GPC5: variants seen among roughly 807,000 people sequenced by gnomAD.
GPC5 encodes glypican 5.
A neutral mutation model predicts 53.9 loss-of-function variants in GPC5; 47 were observed. That is an observed-to-expected ratio of 0.87 (90% confidence interval 0.69 to 1.11). The LOEUF is 1.11. Among genes scored for constraint, GPC5 ranks in the 50% most tolerant of loss-of-function variants. The pLI is 0.00. For synonymous variants in GPC5, 286 were observed against 263.3 expected (o/e 1.09, Z -0.84); for missense variants, 748 against 713.1 (o/e 1.05, Z -0.56).
At chr13:92,417,206 A>T (rs116808188) in intron 7 of GPC5, among the ~76,000 whole-genome samples, 1,575 of 152,308 alleles carry the variant, frequency 0.01, 23 homozygotes, top group African/African-American at 0.036. Context: ...TTTCCAAAAA[A>T]TTTTTTCCAA....
chr13:92,222,269 CAA>C (rs2042455224), intron 7 of GPC5, among the ~76,000 whole-genome samples: 1 of 152,016 alleles, frequency 6.6e-6, no homozygotes, highest in Admixed American at 6.6e-5. Flanking sequence ...AGATGGGAGG[CAA>C]AAATAACACT....
In GPC5 at chr13:92,520,783, C is replaced by A. The variant is rs116828932; in HGVS notation, c.1562-345499C>A. ...ATAGTGTTGGAAGTTCTGGCCAGGC[C>A]AATCAAGCAGGACAAAGAAATAAAG... On this transcript the variant is annotated intron_variant, in intron 7 of 7. Coordinates refer to ENST00000377067, the MANE Select transcript of GPC5 (RefSeq NM_004466.6). Among the ~76,000 whole-genome samples, 928 of 151,976 alleles carry A rather than the reference C, an allele frequency of 6.1e-3. 13 individuals carry two copies. The highest frequency in any genetic ancestry group is 0.021 in the African/African-American group (867 of 41,390).
chr13:92,457,079 C>T (rs1878296942), intron 7 of GPC5, among the ~76,000 whole-genome samples: 1 of 152,058 alleles, frequency 6.6e-6, no homozygotes, highest in Admixed American at 6.6e-5. Flanking sequence ...TTAGCTCCCA[C>T]TTACACGTGA....
chr13:92,199,777 T>C (rs537313846), intron 7 of GPC5, among the ~76,000 whole-genome samples: 19 of 152,328 alleles, frequency 1.2e-4, no homozygotes, highest in African/African-American at 3.6e-4. Context: ...ATTTTAAAAT[T>C]CAGGCAGAAA....
chr13:92,182,485 G>A (rs2042153710), intron 7 of GPC5, among the ~76,000 whole-genome samples: 1 of 151,970 alleles, frequency 6.6e-6, no homozygotes. Flanking sequence ...ACATCTGATG[G>A]GTATAATGAG....
intron 2 of GPC5, among the ~76,000 whole-genome samples, chr13:91,574,367 C>T (rs1001381430): frequency 6.6e-6 from 1 of 151,958 alleles, no homozygotes; most frequent in Non-Finnish European, 1.5e-5. Context: ...CAAGAGTCCA[C>T]GAGGTAGAAG....
chr13:92,479,660 A>G (rs1879277894), intron 7 of GPC5, among the ~76,000 whole-genome samples: 1 of 152,228 alleles, frequency 6.6e-6, no homozygotes, highest in Admixed American at 6.5e-5. Flanking sequence ...AATTCAGGGC[A>G]TAATCCTGTA....
chr13:92,600,038 G>A (rs1335379529), intron 7 of GPC5, among the ~76,000 whole-genome samples: 3 of 152,116 alleles, frequency 2.0e-5, no homozygotes, highest in Non-Finnish European at 4.4e-5. Flanking sequence ...AGTAAAAAAT[G>A]ATGTCAAAGG....
chr13:92,502,659 A>G (rs568047525), intron 7 of GPC5, among the ~76,000 whole-genome samples: 3 of 152,200 alleles, frequency 2.0e-5, no homozygotes, highest in East Asian at 3.9e-4. Context: ...AACAATCCCA[A>G]TGTGTATGAA....
intron 7 of GPC5, among the ~76,000 whole-genome samples, chr13:92,287,556 A>G (rs1051350631): frequency 2.1e-5 from 3 of 144,786 alleles, no homozygotes; most frequent in Non-Finnish European, 4.6e-5. Flanking sequence ...TATATTTCTA[A>G]TTGTTTTATC....
chr13:92,524,920 C>T (rs1881215121), intron 7 of GPC5, among the ~76,000 whole-genome samples: 1 of 151,994 alleles, frequency 6.6e-6, no homozygotes, highest in Non-Finnish European at 1.5e-5. Flanking sequence ...ACATTGTAAG[C>T]CTTTTAAAGC....
intron 7 of GPC5, among the ~76,000 whole-genome samples, chr13:92,832,743 C>T (rs879486568): frequency 4.6e-5 from 7 of 152,142 alleles, no homozygotes; most frequent in African/African-American, 9.7e-5. Flanking sequence ...CATGGTGGCT[C>T]ACACCTGTAG....
chr13:91,907,299 CTA>C (rs1201071305), intron 5 of GPC5, among the ~76,000 whole-genome samples: 3 of 147,922 alleles, frequency 2.0e-5, no homozygotes, highest in African/African-American at 7.4e-5. Flanking sequence ...ATTAATAAAA[CTA>C]TTTTTATCAT....
intron 7 of GPC5, among the ~76,000 whole-genome samples, chr13:92,775,385 T>C (rs866672418): frequency 1.4e-4 from 22 of 152,240 alleles, no homozygotes; most frequent in Non-Finnish European, 2.1e-4. Context: ...CACAACTCTT[T>C]GCACCTTAGT....
intron 4 of GPC5, among the ~76,000 whole-genome samples, chr13:91,736,161 A>T (rs1433624297): frequency 6.6e-6 from 1 of 151,260 alleles, no homozygotes; most frequent in African/African-American, 2.5e-5. Flanking sequence ...AGGGTGAGGG[A>T]TGAATTAAAA....
rs77569611 is a variant in GPC5, at chr13:91,844,518, G to A, written c.1281-63419G>A. Among the ~76,000 whole-genome samples, 786 of 152,220 alleles carry A rather than the reference G, an allele frequency of 5.2e-3. 49 individuals carry two copies. In the East Asian group the frequency reaches 0.12, roughly 24 times the overall value. The stretch of plus-strand genomic sequence containing the variant: ...AGCCAAAGGCCTGGGCTGTAGAACC[G>A]TACAGCAACTAGGCAATGGCTATGA... On this transcript the variant is annotated intron_variant, in intron 5 of 7. Transcript: ENST00000377067.
At chr13:91,689,224 TATATATAC>T (rs1302993700) in intron 2 of GPC5, among the ~76,000 whole-genome samples, 1,734 of 108,722 alleles carry the variant, frequency 0.016, 41 homozygotes, top group East Asian at 0.036. Context: ...TATATATATA[TATATATAC>T]ACATATAAAA....
chr13:92,337,792 C>G (rs981111202), intron 7 of GPC5, among the ~76,000 whole-genome samples: 1 of 152,026 alleles, frequency 6.6e-6, no homozygotes, highest in East Asian at 1.9e-4. Flanking sequence ...GACTTTACAC[C>G]CTTCACAAAA....
At chr13:92,469,179 G>T (rs1247886758) in intron 7 of GPC5, among the ~76,000 whole-genome samples, 2 of 151,920 alleles carry the variant, frequency 1.3e-5, no homozygotes, top group African/African-American at 2.4e-5. Flanking sequence ...ATCCAAGTAG[G>T]TTATCTTAAG....
Sources: allele counts gnomAD v4.1 joint callset (sites outside exome capture counted in the v4.1 genomes callset), GRCh38; gene constraint gnomAD v4.1.1; transcripts MANE v1.5; gene names NCBI Gene and HGNC (gene_info 2026-07-23, HGNC 2026-07-21).